The following ABCB4 variants were observed in gnomAD, a reference collection of about 807,000 sequenced individuals.
The protein encoded by ABCB4 is phosphatidylcholine translocator ABCB4.
Under a neutral mutation model 145.7 loss-of-function variants are expected in ABCB4, and 76 were observed. The observed-to-expected ratio is 0.52, with a 90% CI of 0.43 to 0.63. The LOEUF (loss-of-function observed/expected upper bound fraction) is 0.63. Ranked by LOEUF, ABCB4 falls within the 30% of genes least tolerant of loss-of-function variation. The pLI is 0.00. For synonymous variants in ABCB4, 517 were observed against 566.8 expected (o/e 0.91, Z 1.25); for missense variants, 1,234 against 1,553.1 (o/e 0.79, Z 3.45).
Position 87,454,528 on chromosome 7 carries a change from G to T in ABCB4, c.344+7C>A. 1 of 1,599,880 alleles carries T rather than the reference G, an allele frequency of 6.3e-7. No homozygotes were observed. The highest frequency in any genetic ancestry group is 1.1e-5 in the South Asian group (1 of 90,018). On this transcript the variant is annotated splice_region_variant and intron_variant, in intron 5 of 27. Coordinates refer to ENST00000649586, the MANE Select transcript of ABCB4 (RefSeq NM_000443.4). ...CTTTAAAAAAGTAGACCATATATAT[G>T]AGTTACCTAGTCATTTCTTCTTCCA...
At chr7:87,398,579 C>T, downstream of ABCB4, 1 of 1,613,754 alleles carries the variant, frequency 6.2e-7, no homozygotes, top group Non-Finnish European at 8.5e-7. Flanking sequence ...TGCGGAAAAG[C>T]TAGTTCAGCT....
chr7:87,471,614 T>C (rs1563008341), intron 3 of ABCB4, among the ~76,000 whole-genome samples: 1 of 152,214 alleles, frequency 6.6e-6, no homozygotes, highest in Non-Finnish European at 1.5e-5. Context: ...AATTACTAAG[T>C]TGGATTTCAG....
chr7:87,422,113 G>A lies in ABCB4; in HGVS notation c.2316+8C>T, dbSNP rs1320067223. 16 of 1,569,662 alleles carry A rather than the reference G, an allele frequency of 1.0e-5. No individual in the cohort carries two copies. ...ACTTGATGAGAAAGGCAAATCATGG[G>A]TACCTACCTGAAGGAAGAAAGTAAA... On this transcript the variant is annotated splice_region_variant and intron_variant, in intron 18 of 27. Coordinates refer to ENST00000649586, the MANE Select transcript of ABCB4 (RefSeq NM_000443.4).
In ABCB4 at chr7:87,401,917, C is replaced by CA; in HGVS notation, c.*178dup. The CA allele has an allele frequency of 1.2e-6, 1 of 809,144 alleles. No homozygotes were observed. Among genetic ancestry groups the CA allele is most frequent in the Admixed American group, 2.0e-5 (1 of 49,980 alleles). The allele number at this position is 809,144 out of a possible 1,614,324, so 50.1% of individuals were successfully genotyped here. A position where few individuals can be genotyped will look rare whatever the true frequency, so the allele number is the denominator to read the frequency against. On this transcript the variant is annotated 3_prime_UTR_variant, in exon 28 of 28. Coordinates refer to ENST00000649586, the MANE Select transcript of ABCB4 (RefSeq NM_000443.4). The stretch of plus-strand genomic sequence containing the variant: ...TTCAATACTTCATCAAGACAGGTGT[C>CA]ACTTCTAACTCTCAAATTTCAAATG...
chr7:87,398,233 GT>G, downstream of ABCB4: 2 of 546,974 alleles, frequency 3.7e-6, no homozygotes, highest in Non-Finnish European at 6.9e-6. Flanking sequence ...TAGGAAGGAG[GT>G]TTTTTGTTCT....
chr7:87,399,174 A>G (rs1042011410), downstream of ABCB4: 2 of 153,428 alleles, frequency 1.3e-5, no homozygotes, highest in African/African-American at 4.8e-5. Flanking sequence ...TCTAATGGTG[A>G]TCTAAAATAA....
At chr7:87,405,079 CA>C (rs1330501072) in intron 26 of ABCB4, among the ~76,000 whole-genome samples, 1 of 152,166 alleles carries the variant, frequency 6.6e-6, no homozygotes, top group Non-Finnish European at 1.5e-5. Context: ...GTATTTACAG[CA>C]GCTTTATTTG....
At chr7:87,445,119 G>C in intron 9 of ABCB4, 144 bp from the exon 10 acceptor site, 1 of 651,718 alleles carries the variant, frequency 1.5e-6, no homozygotes, top group Admixed American at 2.6e-5. Context: ...AGCAACATTT[G>C]CAAGGCTAAT....
chr7:87,392,846 A>G, the ABCB4 span: 17 of 1,609,364 alleles, frequency 1.1e-5, no homozygotes, highest in Non-Finnish European at 1.4e-5. Flanking sequence ...AGTGTTTTAC[A>G]GCTTCATCAA....
At chr7:87,417,721 T>C (rs1420524402) in intron 20 of ABCB4, among the ~76,000 whole-genome samples, 2 of 152,192 alleles carry the variant, frequency 1.3e-5, no homozygotes, top group African/African-American at 4.8e-5. Context: ...CTCATTCCTC[T>C]CCTGCCCACC....
chr7:87,446,246 C>T (rs187325818), intron 9 of ABCB4, among the ~76,000 whole-genome samples: 8 of 152,260 alleles, frequency 5.3e-5, no homozygotes, highest in African/African-American at 1.9e-4. Flanking sequence ...TCAGTATCCT[C>T]ATTTTAGCAA....
chr7:87,463,098 A>C (rs1812575880), intron 3 of ABCB4, among the ~76,000 whole-genome samples, 190 bp from the exon 4 acceptor site: 2 of 152,218 alleles, frequency 1.3e-5, no homozygotes, highest in Admixed American at 6.5e-5. Context: ...TATTCTGTGA[A>C]GAAATCAATC....
intron 3 of ABCB4, among the ~76,000 whole-genome samples, chr7:87,471,012 T>C (rs1482685322): frequency 6.6e-6 from 1 of 152,088 alleles, no homozygotes; most frequent in Admixed American, 6.5e-5. Context: ...ATGTGGCACA[T>C]ATACACCATG....
chr7:87,412,086 T>C, intron 22 of ABCB4, 53 bp from the exon 23 acceptor site: 1 of 1,608,056 alleles, frequency 6.2e-7, no homozygotes, highest in Non-Finnish European at 8.5e-7. Flanking sequence ...CCTTTAGCGC[T>C]GTGTAGTGGA....
At chr7:87,382,320 G>T in the ABCB4 span, 1 of 1,447,212 alleles carries the variant, frequency 6.9e-7, no homozygotes, top group Non-Finnish European at 9.5e-7. Flanking sequence ...CTTTATGTCT[G>T]GTGATTACTT....
chr7:87,402,009 T>G lies in ABCB4; in HGVS notation c.*87A>C. 1.3e-6 allele frequency: 2 copies of G among 1,538,328 alleles called. No homozygotes were observed. Among genetic ancestry groups the G allele is most frequent in the Non-Finnish European group, 1.8e-6 (2 of 1,126,578 alleles). On this transcript the variant is annotated 3_prime_UTR_variant, in exon 28 of 28. Transcript: ENST00000649586. ...ATGAGACAGACATACCTATGTTTTATGATGACAAACCAGAAACTTATTTTA... is the reference window on the plus strand; with the variant it reads ...ATGAGACAGACATACCTATGTTTTAGGATGACAAACCAGAAACTTATTTTA...
the ABCB4 span, chr7:87,375,641 A>G: frequency 6.2e-7 from 1 of 1,612,242 alleles, no homozygotes. Flanking sequence ...GACAACTGAC[A>G]TATATCCACA....
chr7:87,417,604 G>T lies in ABCB4; in HGVS notation c.2479-89C>A. 7 of 1,058,576 alleles carry T rather than the reference G, an allele frequency of 6.6e-6. No homozygotes were observed. The South Asian group carries it at 7.8e-5, about 12-fold the overall frequency. 65.6% of individuals were successfully genotyped at this position (1,058,576 alleles called of 1,614,324 possible). On this transcript the variant is annotated intron_variant, in intron 20 of 27. Coordinates refer to ENST00000649586, the MANE Select transcript of ABCB4 (RefSeq NM_000443.4). ...AGCCTCTTGGTCAGAATGATGAGTG[G>T]GTTCTATGCCTGAGCTACATTGGCT... is the stretch of plus-strand genomic sequence containing the variant.
chr7:87,454,707 T>C (rs1811997036), intron 4 of ABCB4, 115 bp from the exon 5 acceptor site: 1 of 804,054 alleles, frequency 1.2e-6, no homozygotes, highest in African/African-American at 1.7e-5. Flanking sequence ...GATGCTATTG[T>C]TAAGTTTCTC....
Sources: gnomAD v4.1 joint callset for allele counts (sites outside exome capture counted in the v4.1 genomes callset) on GRCh38, gnomAD v4.1.1 for gene constraint, MANE v1.5 for transcripts, NCBI Gene and HGNC (gene_info 2026-07-23, HGNC 2026-07-21) for gene names.